Variants in LCOR observed in about 807,000 individuals in gnomAD.
The protein encoded by LCOR is ligand dependent nuclear receptor corepressor.
LCOR carries 14 observed loss-of-function variants against 64.4 expected under a neutral mutation model. That is an observed-to-expected ratio of 0.22 (90% confidence interval 0.14 to 0.34). The LOEUF is 0.34. LCOR is among the 10% of genes least tolerant of loss of function. The pLI, the probability that LCOR is intolerant of heterozygous loss-of-function variation, is 1.00. For synonymous variants in LCOR, 643 were observed against 642.5 expected (o/e 1.00, Z -0.01); for missense variants, 1,686 against 1,765.3 (o/e 0.96, Z 0.80).
At chr10:96,887,998 A>T (rs1846373177) in intron 2 of LCOR, among the ~76,000 whole-genome samples, 1 of 151,870 alleles carries the variant, frequency 6.6e-6, no homozygotes, top group African/African-American at 2.4e-5. Context: ...TTCGTAGAAT[A>T]CCATTTTACT....
intron 7 of LCOR, among the ~76,000 whole-genome samples, chr10:96,979,696 C>T (rs148964096): frequency 5.5e-4 from 84 of 152,300 alleles, no homozygotes; most frequent in African/African-American, 1.9e-3. Context: ...GCTATCTCCT[C>T]ACTTAAGAGA....
chr10:96,869,248 T>C (rs1846030478), intron 2 of LCOR, among the ~76,000 whole-genome samples: 1 of 152,114 alleles, frequency 6.6e-6, no homozygotes, highest in Admixed American at 6.6e-5. Flanking sequence ...AGTTGTGCTC[T>C]GTCACTCAGG....
intron 2 of LCOR, among the ~76,000 whole-genome samples, chr10:96,851,562 G>A (rs1005465021): frequency 1.3e-5 from 2 of 152,162 alleles, no homozygotes; most frequent in African/African-American, 2.4e-5. Context: ...AGAGAACATG[G>A]TGAAATCATG....
intron 7 of LCOR, among the ~76,000 whole-genome samples, chr10:96,971,787 T>C (rs1589689891): frequency 6.6e-6 from 1 of 152,306 alleles, no homozygotes; most frequent in Admixed American, 6.5e-5. Flanking sequence ...TAGTTAAAAC[T>C]GGATGGTGTA....
At chr10:96,940,414 A>G (rs1382320017) in intron 4 of LCOR, among the ~76,000 whole-genome samples, 4 of 126,476 alleles carry the variant, frequency 3.2e-5, no homozygotes, top group African/African-American at 8.9e-5. Flanking sequence ...GTCAGCAGAT[A>G]AACAAGTGAA....
intron 2 of LCOR, among the ~76,000 whole-genome samples, chr10:96,848,020 T>C (rs946922316): frequency 6.6e-6 from 1 of 152,236 alleles, no homozygotes; most frequent in Admixed American, 6.5e-5. Flanking sequence ...TTCTCAGATA[T>C]TACTCAGTAT....
chr10:96,921,662 C>A (rs1847084225), intron 4 of LCOR, among the ~76,000 whole-genome samples: 1 of 152,080 alleles, frequency 6.6e-6, no homozygotes, highest in Admixed American at 6.6e-5. Context: ...TGGGGTTTTA[C>A]CATGTTGGCC....
At chr10:96,965,128 C>T (rs1484366320) in intron 7 of LCOR, among the ~76,000 whole-genome samples, 1 of 151,710 alleles carries the variant, frequency 6.6e-6, no homozygotes, top group South Asian at 2.1e-4. Flanking sequence ...CCTGCCTCAA[C>T]CTCCCGAGTA....
intron 4 of LCOR, among the ~76,000 whole-genome samples, chr10:96,935,289 C>T (rs1267196468): frequency 1.3e-5 from 2 of 151,742 alleles, no homozygotes; most frequent in Non-Finnish European, 2.9e-5. Flanking sequence ...GCTAGAATTA[C>T]AGGTACGTGC....
intron 2 of LCOR, among the ~76,000 whole-genome samples, chr10:96,906,533 A>G (rs990833737): frequency 5.9e-5 from 9 of 152,238 alleles, no homozygotes. Context: ...CAGTAGATCC[A>G]TCAGTATTTG....
At chr10:96,873,532 CTAAG>C (rs751998535) in intron 2 of LCOR, among the ~76,000 whole-genome samples, 3 of 147,786 alleles carry the variant, frequency 2.0e-5, no homozygotes, top group Non-Finnish European at 3.0e-5. Flanking sequence ...AGATACAGTG[CTAAG>C]TAAGTTGTTT....
rs1251846001 is a variant in LCOR, at chr10:96,983,175, G to T, written c.2715G>T (p.Gly905=). Residue 905 remains glycine (G), a synonymous_variant, in exon 8 of 8, where the codon GGG becomes GGT. Coordinates refer to ENST00000421806, the MANE Select transcript of LCOR (RefSeq NM_001346516.2). The surrounding 1 kb of genome is among the most constrained non-coding windows in gnomAD (Gnocchi z 4.5). ...CTGAGCAGGAGGGCGAAGGCGGGGG[G>T]ATCATCACCAGGCAGACTTTGAAAA... The part of the protein sequence containing the change: ...KDAEQEGEGG[G]IITRQTLKNM... 3.1e-6 allele frequency: 5 copies of T among 1,614,024 alleles called. No homozygotes were observed. The African/African-American group carries it at 4.0e-5, about 13-fold the overall frequency.
chr10:96,879,991 A>G (rs537757578), intron 2 of LCOR, among the ~76,000 whole-genome samples: 4 of 152,276 alleles, frequency 2.6e-5, no homozygotes, highest in East Asian at 3.9e-4. Flanking sequence ...TTCTGTTTGC[A>G]TGTCTGGCAT....
At position 96,920,630 on chromosome 10, in the gene LCOR, A is replaced by G. The variant is rs947531662; in HGVS notation, c.-184+12883A>G. Among the ~76,000 whole-genome samples, 16 of 147,250 alleles carry G rather than the reference A, an allele frequency of 1.1e-4. 1 individual carries two copies. Among genetic ancestry groups the G allele is most frequent in the African/African-American group, 3.8e-4 (15 of 39,940 alleles). ...TTCATATATGTGTATATATGTATGT[A>G]CATTCATATATGTGTATATATGTGT... On this transcript the variant is annotated intron_variant, in intron 4 of 7. Transcript: ENST00000421806.
At position 96,912,607 on chromosome 10, in the gene LCOR, T is replaced by TTCCTTCCTTCCTTC. The variant is rs1554836477; in HGVS notation, c.-184+4860_-184+4861insTCCTTCCTTCCTTC. Among the ~76,000 whole-genome samples the TTCCTTCCTTCCTTC allele has an allele frequency of 1.6e-4, 22 of 140,390 alleles. No homozygotes were observed. The East Asian group carries it at 1.9e-3, about 12-fold the overall frequency. 92.1% of individuals were successfully genotyped at this position (140,390 alleles called of 152,430 possible). A position where few individuals can be genotyped will look rare whatever the true frequency, so the allele number is the denominator to read the frequency against. On this transcript the variant is annotated intron_variant, in intron 4 of 7. Coordinates refer to ENST00000421806, the MANE Select transcript of LCOR (RefSeq NM_001346516.2). The stretch of plus-strand genomic sequence containing the variant: ...TCTGTAAGATCTTCCTTTCTTCCTT[T>TTCCTTCCTTCCTTC]CTTCCTTCCTTCCTTCCTTCCTTCC...
chr10:96,834,924 G>A (rs1845415957), intron 2 of LCOR, among the ~76,000 whole-genome samples: 1 of 152,032 alleles, frequency 6.6e-6, no homozygotes, highest in Non-Finnish European at 1.5e-5. Flanking sequence ...TTATTGAGAC[G>A]GAGTTTCACT....
chr10:96,843,213 C>T (rs1166569774), intron 2 of LCOR, among the ~76,000 whole-genome samples: 1 of 152,228 alleles, frequency 6.6e-6, no homozygotes, highest in Admixed American at 6.5e-5. Flanking sequence ...TAAACTCAAA[C>T]TCCTGGGGTC....
intron 2 of LCOR, among the ~76,000 whole-genome samples, chr10:96,863,038 A>G (rs1278402715): frequency 6.7e-6 from 1 of 149,952 alleles, no homozygotes; most frequent in Non-Finnish European, 1.5e-5. Flanking sequence ...CCACCACCAC[A>G]TGCCCGGCTA....
intron 4 of LCOR, among the ~76,000 whole-genome samples, chr10:96,921,461 T>C (rs377106916): frequency 3.3e-5 from 5 of 152,246 alleles, no homozygotes; most frequent in African/African-American, 1.2e-4. Context: ...CTTTATTTAA[T>C]TTTAATTTTT....
Sources: allele counts gnomAD v4.1 joint callset (sites outside exome capture counted in the v4.1 genomes callset), GRCh38; gene constraint gnomAD v4.1.1; non-coding constraint Gnocchi (gnomAD v3.1); transcripts MANE v1.5; gene names NCBI Gene and HGNC (gene_info 2026-07-23, HGNC 2026-07-21).